SYT1: variants seen among roughly 807,000 people sequenced by gnomAD.
The protein encoded by SYT1 is synaptotagmin 1, also known as synaptotagmin-1.
In SYT1, 8 loss-of-function variants were observed where a neutral mutation model predicts 44.8. That is an observed-to-expected ratio of 0.18 (90% CI 0.10 to 0.32). The LOEUF (loss-of-function observed/expected upper bound fraction) is 0.32, where lower values mean the gene tolerates loss of function less well. Among genes scored for constraint, SYT1 ranks in the 10% least tolerant of loss-of-function variants. The pLI is 1.00. For missense variants in SYT1, 286 were observed against 509.3 expected (o/e 0.56, Z 4.22); for synonymous variants, 154 against 188.8 (o/e 0.82, Z 1.51).
intron 4 of SYT1, among the ~76,000 whole-genome samples, chr12:79,255,697 A>G (rs1444387098): frequency 1.3e-5 from 2 of 152,182 alleles, no homozygotes; most frequent in African/African-American, 4.8e-5. Flanking sequence ...TTTTCATAAG[A>G]GTAATGGCCT....
intron 3 of SYT1, among the ~76,000 whole-genome samples, chr12:79,183,976 G>A (rs1206945688): frequency 6.6e-6 from 1 of 152,012 alleles, no homozygotes. Flanking sequence ...GTCTCCGCCA[G>A]CCACCATTTT....
At chr12:79,305,329 A>G (rs1880339215) in intron 8 of SYT1, among the ~76,000 whole-genome samples, 1 of 152,176 alleles carries the variant, frequency 6.6e-6, no homozygotes, top group South Asian at 2.1e-4. Context: ...CACTTTGGCT[A>G]CCTTCCATTG....
intron 1 of SYT1, among the ~76,000 whole-genome samples, chr12:78,938,519 T>G (rs951951607): frequency 2.6e-5 from 4 of 152,162 alleles, no homozygotes; most frequent in African/African-American, 9.7e-5. Context: ...TCATCTGAGA[T>G]AATGACCCTC....
chr12:79,183,279 T>A (rs1872639998), intron 3 of SYT1, among the ~76,000 whole-genome samples: 1 of 151,966 alleles, frequency 6.6e-6, no homozygotes, highest in African/African-American at 2.4e-5. Context: ...GCATAGGATG[T>A]ACCAGCTTTT....
At chr12:79,018,082 T>C (rs1871926345) in intron 2 of SYT1, among the ~76,000 whole-genome samples, 1 of 151,854 alleles carries the variant, frequency 6.6e-6, no homozygotes, top group Admixed American at 6.6e-5. Context: ...TAGCAAAGAC[T>C]TGGAACCAAC....
intron 3 of SYT1, among the ~76,000 whole-genome samples, chr12:79,192,444 C>A (rs1341979117): frequency 6.6e-6 from 1 of 152,008 alleles, no homozygotes; most frequent in Non-Finnish European, 1.5e-5. Flanking sequence ...AATTTCTGAC[C>A]CCATGTACAG....
At chr12:79,432,267 G>C (rs1470498458) in intron 9 of SYT1, among the ~76,000 whole-genome samples, 1 of 151,086 alleles carries the variant, frequency 6.6e-6, no homozygotes, top group East Asian at 1.9e-4. Context: ...CAACCTGCAG[G>C]TTTGTTACAT....
At chr12:78,935,243 G>T (rs1383083786) in intron 1 of SYT1, among the ~76,000 whole-genome samples, 1 of 152,130 alleles carries the variant, frequency 6.6e-6, no homozygotes, top group Non-Finnish European at 1.5e-5. Flanking sequence ...CATGAAGGTT[G>T]CTCTTAACTT....
chr12:79,279,196 G>C (rs749824089), intron 4 of SYT1, among the ~76,000 whole-genome samples: 16 of 151,370 alleles, frequency 1.1e-4, no homozygotes, highest in Non-Finnish European at 2.1e-4. Flanking sequence ...GCCAGAAAAG[G>C]ACACAGCCGA....
At chr12:79,253,933 A>G (rs1318658824) in intron 4 of SYT1, among the ~76,000 whole-genome samples, 1 of 152,152 alleles carries the variant, frequency 6.6e-6, no homozygotes, top group African/African-American at 2.4e-5. Flanking sequence ...GAAAGCTGAG[A>G]GAGGTAAGGG....
intron 9 of SYT1, among the ~76,000 whole-genome samples, chr12:79,396,877 C>G (rs1884890391): frequency 6.6e-6 from 1 of 152,016 alleles, no homozygotes; most frequent in African/African-American, 2.4e-5. Context: ...ATTTTGGGTG[C>G]TGGTAAGTGC....
At chr12:79,246,251 T>C (rs1027641953) in intron 4 of SYT1, among the ~76,000 whole-genome samples, 1 of 152,182 alleles carries the variant, frequency 6.6e-6, no homozygotes, top group Admixed American at 6.5e-5. Flanking sequence ...TTTTTCAATG[T>C]AGTACTTATT....
chr12:79,387,613 A>G (rs1439984418), intron 9 of SYT1, among the ~76,000 whole-genome samples: 1 of 152,244 alleles, frequency 6.6e-6, no homozygotes, highest in African/African-American at 2.4e-5. Flanking sequence ...ATATGAAGCT[A>G]TTTAAATGTC....
chr12:79,407,358 G>A (rs567550673), intron 9 of SYT1, among the ~76,000 whole-genome samples: 25 of 152,076 alleles, frequency 1.6e-4, no homozygotes, highest in Non-Finnish European at 3.4e-4. Context: ...CATCCTACAA[G>A]TATGGTAAAG....
At chr12:79,443,964 C>T in intron 9 of SYT1, 109 bp from the exon 10 acceptor site, 2 of 1,126,786 alleles carry the variant, frequency 1.8e-6, no homozygotes, top group Non-Finnish European at 2.5e-6. Context: ...ATATTAAATA[C>T]ATGCTATATA....
At chr12:79,186,285 TTTATA>T (rs1452610367) in intron 3 of SYT1, among the ~76,000 whole-genome samples, 35 of 152,212 alleles carry the variant, frequency 2.3e-4, no homozygotes, top group African/African-American at 8.2e-4. Context: ...TTGTATTTTA[TTTATA>T]TTTGTTGCAC....
chr12:79,038,443 G>A (rs1194188514), intron 2 of SYT1, among the ~76,000 whole-genome samples: 2 of 151,616 alleles, frequency 1.3e-5, no homozygotes, highest in Non-Finnish European at 2.9e-5. Flanking sequence ...CTTTATTTTT[G>A]TGTTGAAAAG....
chr12:78,972,050 G>T (rs1019206052), intron 1 of SYT1, among the ~76,000 whole-genome samples: 5 of 152,018 alleles, frequency 3.3e-5, no homozygotes, highest in African/African-American at 9.7e-5. Context: ...TTTACATTCT[G>T]TTTCTAATAC....
chr12:79,241,972 C>T (rs1400956569), intron 4 of SYT1, among the ~76,000 whole-genome samples: 2 of 152,150 alleles, frequency 1.3e-5, no homozygotes. Flanking sequence ...ATCTATAAGC[C>T]TAGGAACACC....
Sources: gnomAD v4.1 joint callset for allele counts (sites outside exome capture counted in the v4.1 genomes callset) on GRCh38, gnomAD v4.1.1 for gene constraint, MANE v1.5 for transcripts, NCBI Gene and HGNC (gene_info 2026-07-23, HGNC 2026-07-21) for gene names.